The following WDPCP variants were observed in gnomAD, a reference collection of about 807,000 sequenced individuals.
The protein encoded by WDPCP is WD repeat containing planar cell polarity effector.
WDPCP carries 71 observed loss-of-function variants against 93.1 expected under a neutral mutation model. The observed-to-expected ratio is 0.76, with a 90% CI of 0.63 to 0.93. The LOEUF (loss-of-function observed/expected upper bound fraction) is 0.93, where lower values mean the gene tolerates loss of function less well. Ranked by LOEUF, WDPCP falls within the 40% of genes least tolerant of loss-of-function variation. WDPCP has a pLI of 0.00. For missense variants in WDPCP, 844 were observed against 887.4 expected, an observed-to-expected ratio of 0.95 and a Z score of 0.62; for synonymous variants, 315 against 315.0, an observed-to-expected ratio of 1.00 and a Z score of 0.00.
chr2:63,428,229 AT>A (rs1411875146), intron 9 of WDPCP, among the ~76,000 whole-genome samples: 1 of 151,946 alleles, frequency 6.6e-6, no homozygotes. Context: ...TCCCTAACTC[AT>A]TCTACGAAGC....
chr2:63,290,971 A>C (rs1407926231), intron 13 of WDPCP, among the ~76,000 whole-genome samples: 1 of 152,128 alleles, frequency 6.6e-6, no homozygotes, highest in Non-Finnish European at 1.5e-5. Flanking sequence ...TCTGTAGGCC[A>C]ATATTTTTCA....
upstream of WDPCP, chr2:63,590,889 C>G (rs1319595638): frequency 1.3e-5 from 2 of 152,210 alleles, no homozygotes; most frequent in East Asian, 3.8e-4. Context: ...CTTCTGTAAG[C>G]TCATTCAAAG....
chr2:63,121,929 C>T lies in WDPCP; in HGVS notation c.*77G>A. 1 of 1,596,478 alleles carries T rather than the reference C, an allele frequency of 6.3e-7. No homozygotes were observed. ...CATACTGTCTCTTGTTAAAAATCCA[C>T]ACGGGGGATTTTAAGTCTGTATCAG... On this transcript the variant is annotated 3_prime_UTR_variant, in exon 18 of 18. Transcript: ENST00000272321.
At chr2:63,344,767 C>T (rs1689078754) in intron 12 of WDPCP, among the ~76,000 whole-genome samples, 1 of 152,164 alleles carries the variant, frequency 6.6e-6, no homozygotes, top group Non-Finnish European at 1.5e-5. Context: ...ACCTCTGTAT[C>T]AGTTCCTCTG....
chr2:63,282,094 T>C (rs887920388), intron 13 of WDPCP, among the ~76,000 whole-genome samples: 3 of 152,154 alleles, frequency 2.0e-5, no homozygotes, highest in Non-Finnish European at 2.9e-5. Context: ...AAAAGTATTA[T>C]AGAACCACAA....
chr2:63,456,098 T>C (rs1698601111), intron 6 of WDPCP, among the ~76,000 whole-genome samples: 1 of 152,010 alleles, frequency 6.6e-6, no homozygotes, highest in Non-Finnish European at 1.5e-5. Flanking sequence ...GAAATTCAGA[T>C]GGAAATTGAA....
intron 14 of WDPCP, among the ~76,000 whole-genome samples, chr2:63,192,698 A>T (rs1051964818): frequency 2.6e-5 from 4 of 152,246 alleles, no homozygotes; most frequent in African/African-American, 9.6e-5. Context: ...AAAGAAGAGA[A>T]GTGAGCTAAG....
At chr2:63,714,415 C>T (rs1669305888) in intron 2 of WDPCP, among the ~76,000 whole-genome samples, 1 of 152,050 alleles carries the variant, frequency 6.6e-6, no homozygotes, top group Non-Finnish European at 1.5e-5. Flanking sequence ...GGGACTATAC[C>T]TCCCTTATAA....
intron 2 of WDPCP, among the ~76,000 whole-genome samples, chr2:63,735,645 G>A (rs1421334292): frequency 6.6e-6 from 1 of 152,186 alleles, no homozygotes; most frequent in Non-Finnish European, 1.5e-5. Flanking sequence ...AAAAGGGTCG[G>A]AGGAAGGGGC....
intron 8 of WDPCP, among the ~76,000 whole-genome samples, chr2:63,436,453 C>T (rs547456598): frequency 1.3e-5 from 2 of 152,186 alleles, no homozygotes; most frequent in East Asian, 3.9e-4. Flanking sequence ...GCTACCACCA[C>T]CTCATTCATA....
At chr2:63,193,674 A>G (rs2104252977) in intron 14 of WDPCP, among the ~76,000 whole-genome samples, 1 of 152,304 alleles carries the variant, frequency 6.6e-6, no homozygotes. Flanking sequence ...ACTTTTGTAG[A>G]TATGGGGTCT....
chr2:63,242,278 A>G (rs956476001), intron 14 of WDPCP, among the ~76,000 whole-genome samples: 1 of 152,204 alleles, frequency 6.6e-6, no homozygotes, highest in African/African-American at 2.4e-5. Context: ...ATATATGATA[A>G]ATGTATTTGG....
intron 1 of WDPCP, among the ~76,000 whole-genome samples, chr2:63,560,991 G>C (rs1706570778): frequency 6.6e-6 from 1 of 152,122 alleles, no homozygotes; most frequent in African/African-American, 2.4e-5. Context: ...TAAATAAATG[G>C]TGCTGAGAGA....
At chr2:63,142,923 T>TACACAC (rs1242494155) in intron 17 of WDPCP, among the ~76,000 whole-genome samples, 18 of 105,804 alleles carry the variant, frequency 1.7e-4, no homozygotes, top group African/African-American at 6.2e-4. Context: ...CACATACATA[T>TACACAC]ACACACACAC....
At chr2:63,468,569 C>A (rs1461195768) in intron 6 of WDPCP, among the ~76,000 whole-genome samples, 3 of 152,136 alleles carry the variant, frequency 2.0e-5, no homozygotes, top group Non-Finnish European at 4.4e-5. Context: ...GTATGTAACA[C>A]AAACCTGAAA....
Position 63,751,953 on chromosome 2 carries a change from G to A in WDPCP, n.308+61669C>T, listed in dbSNP as rs1010158946. 4 of 650,218 alleles carry A rather than the reference G, an allele frequency of 6.2e-6. No individual in the cohort carries two copies. The African/African-American group carries it at 7.1e-5, about 12-fold the overall frequency. The allele number at this position is 650,218 out of a possible 1,614,324, so 40.3% of individuals were successfully genotyped here. A position where few individuals can be genotyped will look rare whatever the true frequency, so the allele number is the denominator to read the frequency against. ...CACCATATCCACCATGACCACAGCT[G>A]CCATCATGACCACTGAAGTTTCCTC... is the stretch of plus-strand genomic sequence containing the variant. On this transcript the variant is annotated intron_variant and non_coding_transcript_variant, in intron 2 of 4. Coordinates refer to the WDPCP transcript ENST00000467687.
chr2:63,753,619 G>C (rs1669914392), intron 2 of WDPCP, among the ~76,000 whole-genome samples: 1 of 152,178 alleles, frequency 6.6e-6, no homozygotes, highest in African/African-American at 2.4e-5. Flanking sequence ...GCAGGAGGAA[G>C]AGTGAGAGGT....
At chr2:63,373,098 G>A (rs891692925) in intron 12 of WDPCP, among the ~76,000 whole-genome samples, 2 of 152,006 alleles carry the variant, frequency 1.3e-5, no homozygotes, top group African/African-American at 4.8e-5. Flanking sequence ...ACTCCAGCCT[G>A]GGCAACAAGA....
intron 17 of WDPCP, among the ~76,000 whole-genome samples, chr2:63,127,327 G>C (rs965211024): frequency 6.6e-6 from 1 of 151,760 alleles, no homozygotes; most frequent in African/African-American, 2.4e-5. Flanking sequence ...GTTTCACCAT[G>C]TTGGCCAGGA....
Sources: allele counts gnomAD v4.1 joint callset (sites outside exome capture counted in the v4.1 genomes callset), GRCh38; gene constraint gnomAD v4.1.1; transcripts MANE v1.5; gene names NCBI Gene and HGNC (gene_info 2026-07-23, HGNC 2026-07-21).